The following VWA2 variants were observed in gnomAD, a reference collection of about 807,000 sequenced individuals.
VWA2 encodes von Willebrand factor A domain containing 2, also known as von Willebrand factor A domain-containing protein 2.
Under a neutral mutation model 70.4 loss-of-function variants are expected in VWA2, and 73 were observed. The observed-to-expected ratio is 1.04, with a 90% CI of 0.86 to 1.26. VWA2 has a LOEUF of 1.26. Ranked by LOEUF, VWA2 falls within the 50% of genes most tolerant of loss-of-function variation. The pLI is 0.00. For missense variants in VWA2, 1,011 were observed against 998.5 expected (o/e 1.01, Z -0.17); for synonymous variants, 407 against 423.3 (o/e 0.96, Z 0.47).
At chr10:114,289,782 C>T in intron 12 of VWA2, 2 of 455,210 alleles carry the variant, frequency 4.4e-6, no homozygotes, top group Non-Finnish European at 8.1e-6. Flanking sequence ...CCACAAGCTT[C>T]CTAAGGGTCT....
intron 5 of VWA2, among the ~76,000 whole-genome samples, chr10:114,265,766 C>T (rs2037548537): frequency 6.6e-6 from 1 of 152,166 alleles, no homozygotes; most frequent in Admixed American, 6.5e-5. Context: ...TGTGTCTGAA[C>T]AAGGTCTGCT....
intron 6 of VWA2, among the ~76,000 whole-genome samples, chr10:114,274,572 T>C (rs2037782283): frequency 6.6e-6 from 1 of 152,092 alleles, no homozygotes; most frequent in Admixed American, 6.5e-5. Context: ...CCTCCTGGGT[T>C]CAAGCGATTC....
intron 5 of VWA2, among the ~76,000 whole-genome samples, chr10:114,267,183 C>G (rs940986301): frequency 1.3e-5 from 2 of 152,134 alleles, no homozygotes; most frequent in African/African-American, 4.8e-5. Context: ...GGTGCAATCT[C>G]AGCTCACTGC....
rs2037438260 is a variant in VWA2, at chr10:114,261,222, C to T, written c.298C>T (p.His100Tyr). Reference protein sequence around the residue: ...VGAFQFSSTPHLEFPLDSFST... With the variant: ...VGAFQFSSTPYLEFPLDSFST... ...AGCATTCCAGTTCAGTTCCACTCCT[C>T]ATCTGGAATTCCCCTTGGATTCATT... The change falls in exon 5 of 14, where the codon CAT (histidine) becomes TAT (tyrosine). Residue 100 changes from histidine (H) to tyrosine (Y), a missense_variant. Physicochemically the swap from His to Tyr is moderately conservative, Grantham distance 83 (BLOSUM62 2). Transcript: ENST00000392982. 1 of 1,614,116 alleles carries T rather than the reference C, an allele frequency of 6.2e-7. No homozygotes were observed. The highest frequency in any genetic ancestry group is 8.5e-7 in the Non-Finnish European group (1 of 1,179,992).
At chr10:114,246,524 A>G in intron 1 of VWA2, 1 of 791,542 alleles carries the variant, frequency 1.3e-6, no homozygotes, top group South Asian at 1.8e-5. Flanking sequence ...AAAAAAAAAA[A>G]ACGAGTATCA....
chr10:114,260,052 A>G (rs1211338391), intron 4 of VWA2, among the ~76,000 whole-genome samples: 1 of 152,214 alleles, frequency 6.6e-6, no homozygotes, highest in Non-Finnish European at 1.5e-5. Flanking sequence ...GGGCAGCATC[A>G]TTGCTTAAAT....
chr10:114,281,540 G>A (rs1328687465), intron 8 of VWA2, among the ~76,000 whole-genome samples: 6 of 152,238 alleles, frequency 3.9e-5, no homozygotes, highest in African/African-American at 1.4e-4. Context: ...CCAGCAGGTG[G>A]AAGCCACCCA....
chr10:114,241,209 G>C (rs1018095992), intron 1 of VWA2, among the ~76,000 whole-genome samples: 1 of 152,138 alleles, frequency 6.6e-6, no homozygotes, highest in Non-Finnish European at 1.5e-5. Flanking sequence ...CTGATGAACC[G>C]ACACTGGCAC....
At chr10:114,239,642 C>T in intron 1 of VWA2, 73 bp downstream of exon 1, 1 of 152,366 alleles carries the variant, frequency 6.6e-6, no homozygotes, top group Non-Finnish European at 1.5e-5. Context: ...CCGATTCACG[C>T]TCCCGGTACT....
chr10:114,281,673 CCAGATA>C, intron 8 of VWA2: 1 of 948,798 alleles, frequency 1.1e-6, no homozygotes, highest in African/African-American at 1.8e-5. Flanking sequence ...GTTGTGTGGA[CCAGATA>C]GTAGCAGCAC....
chr10:114,266,551 T>A (rs1261409696), intron 5 of VWA2, among the ~76,000 whole-genome samples: 1 of 152,194 alleles, frequency 6.6e-6, no homozygotes, highest in African/African-American at 2.4e-5. Flanking sequence ...GAAACCACTC[T>A]GACAACCACC....
At chr10:114,273,126 T>C (rs113071115) in intron 6 of VWA2, among the ~76,000 whole-genome samples, 192 bp downstream of exon 6, 79 of 152,348 alleles carry the variant, frequency 5.2e-4, no homozygotes, top group African/African-American at 1.9e-3. Context: ...TTTGCATTGA[T>C]TTTGGTTTTG....
At chr10:114,255,430 C>T (rs758732492) in intron 4 of VWA2, among the ~76,000 whole-genome samples, 4 of 152,122 alleles carry the variant, frequency 2.6e-5, no homozygotes, top group Non-Finnish European at 5.9e-5. Context: ...ACATGATAAT[C>T]CACTGACCAA....
intron 3 of VWA2, 100 bp from the exon 4 acceptor site, chr10:114,254,815 A>G: frequency 6.6e-7 from 1 of 1,512,618 alleles, no homozygotes; most frequent in Non-Finnish European, 9.0e-7. Flanking sequence ...TAAGAGGGAC[A>G]GCAGCCTGGC....
chr10:114,290,859 TTTGAGAGAAAAGAAG>T (rs2039521520), intron 13 of VWA2, among the ~76,000 whole-genome samples: 1 of 151,756 alleles, frequency 6.6e-6, no homozygotes, highest in African/African-American at 2.4e-5. Context: ...GTGCTAGAGG[TTTGAGAGAAAAGAAG>T]TCATTGTCAA....
chr10:114,294,345 T>A lies in VWA2; in HGVS notation c.*3108T>A, dbSNP rs553065723. On this transcript the variant is annotated 3_prime_UTR_variant, in exon 14 of 14. Coordinates refer to ENST00000392982, the MANE Select transcript of VWA2 (RefSeq NM_001272046.2). ...CTGATATATTCATAGTATTTTTTTA[T>A]AATTTGAAAAATCTTGTCAGTATCT... 1.3e-5 allele frequency among the ~76,000 whole-genome samples: 2 copies of A among 152,214 alleles called. No homozygotes were observed. Among genetic ancestry groups the A allele is most frequent in the Non-Finnish European group, 2.9e-5 (2 of 68,036 alleles).
intron 9 of VWA2, among the ~76,000 whole-genome samples, chr10:114,282,948 CCCT>C (rs2038360926): frequency 6.6e-6 from 1 of 152,202 alleles, no homozygotes; most frequent in African/African-American, 2.4e-5. Flanking sequence ...AAGCCCATTT[CCCT>C]CCTCCATGTG....
intron 4 of VWA2, among the ~76,000 whole-genome samples, chr10:114,257,852 CCAAA>C (rs1190248098): frequency 2.0e-5 from 3 of 152,128 alleles, no homozygotes. Flanking sequence ...TAGACTTGGG[CCAAA>C]CAGTCAGTGC....
chr10:114,246,520 AAAAAAC>A (rs1564711755), intron 1 of VWA2: 30 of 807,860 alleles, frequency 3.7e-5, no homozygotes, highest in African/African-American at 7.6e-5. Context: ...AAAAAAAAAA[AAAAAAC>A]GAGTATCATG....
Sources: gnomAD v4.1 joint callset for allele counts (sites outside exome capture counted in the v4.1 genomes callset) on GRCh38, gnomAD v4.1.1 for gene constraint, MANE v1.5 for transcripts, NCBI Gene and HGNC (gene_info 2026-07-23, HGNC 2026-07-21) for gene names.